The following ZNF704 variants were observed in gnomAD, a reference collection of about 807,000 sequenced individuals.
ZNF704 encodes the protein zinc finger protein 704.
ZNF704 carries 10 observed loss-of-function variants against 44.7 expected under a neutral mutation model. The ratio of observed to expected loss-of-function variants is 0.22; its 90% confidence interval spans 0.14 to 0.38. ZNF704 has a LOEUF of 0.38. Among genes scored for constraint, ZNF704 ranks in the 10% least tolerant of loss-of-function variants. The pLI is 1.00. For synonymous variants in ZNF704, 211 were observed against 207.6 expected (o/e 1.02, Z -0.14); for missense variants, 390 against 545.5 (o/e 0.71, Z 2.84).
chr8:80,721,415 T>G (rs2131670460), intron 2 of ZNF704, among the ~76,000 whole-genome samples: 1 of 152,212 alleles, frequency 6.6e-6, no homozygotes. Context: ...GGAGAGAACA[T>G]AAGTAGTCCT....
At chr8:80,869,115 C>G (rs559370338) in intron 1 of ZNF704, among the ~76,000 whole-genome samples, 1 of 152,110 alleles carries the variant, frequency 6.6e-6, no homozygotes, top group African/African-American at 2.4e-5. Flanking sequence ...ATGCCTGACT[C>G]GAGGATATGT....
At chr8:80,700,767 CTCTA>C (rs1402728834) in intron 2 of ZNF704, among the ~76,000 whole-genome samples, 1 of 152,180 alleles carries the variant, frequency 6.6e-6, no homozygotes, top group African/African-American at 2.4e-5. Context: ...ACCATTCTCT[CTCTA>C]TCTGTGTAGA....
intron 7 of ZNF704, among the ~76,000 whole-genome samples, chr8:80,645,685 C>T (rs1817819639): frequency 6.6e-6 from 1 of 152,156 alleles, no homozygotes; most frequent in South Asian, 2.1e-4. Flanking sequence ...TAAAAGCTCC[C>T]TGAGGCCTCC....
chr8:80,705,990 C>T (rs978912075), intron 2 of ZNF704, among the ~76,000 whole-genome samples: 5 of 152,162 alleles, frequency 3.3e-5, no homozygotes, highest in South Asian at 2.1e-4. Flanking sequence ...CAGAGCCTGT[C>T]GTATGTGCAG....
chr8:80,715,282 T>C (rs75568829), intron 2 of ZNF704, among the ~76,000 whole-genome samples: 2,545 of 152,326 alleles, frequency 0.017, 80 homozygotes, highest in African/African-American at 0.058. Context: ...TAACACTACC[T>C]GAAATGGATG....
At chr8:80,698,469 C>T (rs1412391855) in intron 2 of ZNF704, among the ~76,000 whole-genome samples, 1 of 152,040 alleles carries the variant, frequency 6.6e-6, no homozygotes, top group East Asian at 1.9e-4. Flanking sequence ...CCAGGGAGGG[C>T]CTTCCATGCT....
rs375427511 is a variant in ZNF704 at position 80,659,606 on chromosome 8, C to T, written c.1011G>A (p.Pro337=). 2.7e-5 allele frequency: 43 copies of T among 1,613,796 alleles called. No individual in the cohort carries two copies. Among genetic ancestry groups the T allele is most frequent in the Non-Finnish European group, 3.3e-5 (39 of 1,179,864 alleles). Residue 337 remains proline (P), a synonymous_variant, in exon 7 of 9, where the codon CCG becomes CCA. Coordinates refer to ENST00000327835, the MANE Select transcript of ZNF704 (RefSeq NM_001033723.3). The stretch of plus-strand genomic sequence containing the variant: ...TTACTGGGATGCCTGTGAAAGTGAC[C>T]GGAGGAGATTGCCAGGAAATGCTGA... ...SSFSISWQSP[P]VTFTGIPVSP...
At chr8:80,657,820 C>T (rs1019851596) in intron 7 of ZNF704, among the ~76,000 whole-genome samples, 4 of 151,486 alleles carry the variant, frequency 2.6e-5, no homozygotes, top group African/African-American at 9.7e-5. Context: ...TTTTATATAT[C>T]ATATATATAC....
chr8:80,821,906 T>C (rs1180851190), intron 1 of ZNF704, among the ~76,000 whole-genome samples: 1 of 152,174 alleles, frequency 6.6e-6, no homozygotes, highest in Non-Finnish European at 1.5e-5. Context: ...TTTTTTAAAA[T>C]GTAAAACATC....
intron 1 of ZNF704, among the ~76,000 whole-genome samples, chr8:80,866,111 T>C (rs1809150304): frequency 6.6e-6 from 1 of 152,232 alleles, no homozygotes; most frequent in Non-Finnish European, 1.5e-5. Context: ...TATTCAGGAA[T>C]CACCTCCTGG....
At chr8:80,867,418 C>T (rs1236735151) in intron 1 of ZNF704, among the ~76,000 whole-genome samples, 1 of 152,052 alleles carries the variant, frequency 6.6e-6, no homozygotes, top group African/African-American at 2.4e-5. Flanking sequence ...AGAAACCAAC[C>T]CAGAACTGAG....
At chr8:80,698,528 G>A (rs1309421807) in intron 2 of ZNF704, among the ~76,000 whole-genome samples, 9 of 152,164 alleles carry the variant, frequency 5.9e-5, no homozygotes, top group Non-Finnish European at 2.9e-5. Context: ...GCACTGAAGT[G>A]TTTCAAGTGG....
intron 2 of ZNF704, among the ~76,000 whole-genome samples, chr8:80,729,381 T>C (rs758074635): frequency 6.6e-6 from 1 of 152,116 alleles, no homozygotes; most frequent in Non-Finnish European, 1.5e-5. Flanking sequence ...AATGGGGTGA[T>C]AATGTACTCT....
chr8:80,703,025 C>A (rs959013078), intron 2 of ZNF704, among the ~76,000 whole-genome samples: 1 of 152,012 alleles, frequency 6.6e-6, no homozygotes, highest in African/African-American at 2.4e-5. Context: ...TGGTAACAGC[C>A]GCGGGGACAC....
chr8:80,630,831 C>G lies in ZNF704; in HGVS notation c.*10535G>C, dbSNP rs1175491713. ...CTGATCACTGTCCAACCATTAATTA[C>G]AAAAATAGGAATTTTAGGGTGTGTT... On this transcript the variant is annotated 3_prime_UTR_variant, in exon 9 of 9. Coordinates refer to ENST00000327835, the MANE Select transcript of ZNF704 (RefSeq NM_001033723.3). 6 of 152,006 alleles carry G rather than the reference C, an allele frequency of 3.9e-5. No homozygotes were observed. Among genetic ancestry groups the G allele is most frequent in the Non-Finnish European group, 5.9e-5 (4 of 68,012 alleles). The allele number at this position is 152,006 out of a possible 1,614,324, so 9.4% of individuals were successfully genotyped here.
chr8:80,657,821 A>G (rs985343860), intron 7 of ZNF704, among the ~76,000 whole-genome samples: 2 of 152,040 alleles, frequency 1.3e-5, no homozygotes, highest in Admixed American at 6.6e-5. Context: ...TTTATATATC[A>G]TATATATACT....
intron 2 of ZNF704, among the ~76,000 whole-genome samples, chr8:80,722,373 G>A (rs1806386075): frequency 6.6e-6 from 1 of 152,124 alleles, no homozygotes; most frequent in African/African-American, 2.4e-5. Context: ...TGTAAAACAG[G>A]GATGAAAAGA....
chr8:80,718,874 T>C (rs1462528784), intron 2 of ZNF704, among the ~76,000 whole-genome samples: 2 of 152,196 alleles, frequency 1.3e-5, no homozygotes, highest in African/African-American at 4.8e-5. Flanking sequence ...CTTCCCCACA[T>C]GTAAAGTTCT....
intron 2 of ZNF704, among the ~76,000 whole-genome samples, chr8:80,753,517 T>A (rs1806983643): frequency 6.6e-6 from 1 of 151,730 alleles, no homozygotes; most frequent in African/African-American, 2.4e-5. Context: ...ACAACAAAAG[T>A]TAAATGTGGC....
Sources: gnomAD v4.1 joint callset for allele counts (sites outside exome capture counted in the v4.1 genomes callset) on GRCh38, gnomAD v4.1.1 for gene constraint, MANE v1.5 for transcripts, NCBI Gene and HGNC (gene_info 2026-07-23, HGNC 2026-07-21) for gene names.